The following NLGN1 variants were observed in gnomAD, a reference collection of about 807,000 sequenced individuals.
NLGN1 encodes neuroligin 1.
A neutral mutation model predicts 65.5 loss-of-function variants in NLGN1; 12 were observed. The observed-to-expected ratio is 0.18, with a 90% CI of 0.12 to 0.30. The LOEUF (loss-of-function observed/expected upper bound fraction) is 0.30. Among genes scored for constraint, NLGN1 ranks in the 10% least tolerant of loss-of-function variants. The pLI is 1.00. For synonymous variants in NLGN1, 350 were observed against 359.5 expected (o/e 0.97, Z 0.30); for missense variants, 750 against 1,007.1 (o/e 0.74, Z 3.46).
rs1742520921 is a variant in NLGN1, at chr3:173,923,891, A to G, written c.646+116059A>G. 5.9e-5 allele frequency among the ~76,000 whole-genome samples: 9 copies of G among 152,176 alleles called. No homozygotes were observed. In the South Asian group the frequency reaches 1.9e-3, roughly 31 times the overall value. ...TAGATATCTACATGATTTTTGGCAT[A>G]TAACTTGGAAAAAGTTCAAATAATT... On this transcript the variant is annotated intron_variant, in intron 4 of 6. Coordinates refer to ENST00000457714, the Ensembl canonical transcript of NLGN1.
At chr3:174,065,699 T>C (rs1045579234) in intron 4 of NLGN1, among the ~76,000 whole-genome samples, 5 of 151,702 alleles carry the variant, frequency 3.3e-5, no homozygotes, top group Admixed American at 2.0e-4. Context: ...GAAATGTTAC[T>C]TCTAAGATTA....
intron 3 of NLGN1, among the ~76,000 whole-genome samples, chr3:173,627,027 G>T (rs1754926824): frequency 6.6e-6 from 1 of 151,980 alleles, no homozygotes; most frequent in Non-Finnish European, 1.5e-5. Flanking sequence ...CATAAGACTG[G>T]CTCATAAGTA....
At chr3:173,994,895 G>A (rs1406728148) in intron 4 of NLGN1, among the ~76,000 whole-genome samples, 6 of 152,130 alleles carry the variant, frequency 3.9e-5, no homozygotes, top group African/African-American at 1.2e-4. Flanking sequence ...CCCTTGCAAA[G>A]AGGAAACATA....
chr3:174,042,233 TTA>T lies in NLGN1; in HGVS notation c.647-233080_647-233079del, dbSNP rs150778018. ...GAGAAGAAGTTTTAATTTTGATGTA[TTA>T]TTTTTTTTCTTTTATAATTATTCTT... On this transcript the variant is annotated intron_variant, in intron 4 of 6. Coordinates refer to ENST00000457714, the Ensembl canonical transcript of NLGN1. 5.3e-3 allele frequency among the ~76,000 whole-genome samples: 814 copies of T among 152,308 alleles called. 6 individuals carry two copies. Among genetic ancestry groups the T allele is most frequent in the Middle Eastern group, 0.048 (14 of 292 alleles).
chr3:173,778,405 A>C (rs963331507), intron 3 of NLGN1, among the ~76,000 whole-genome samples: 1 of 151,896 alleles, frequency 6.6e-6, no homozygotes, highest in African/African-American at 2.4e-5. Context: ...GGAAATAGAA[A>C]TGAATTTTTT....
intron 3 of NLGN1, among the ~76,000 whole-genome samples, chr3:173,633,165 T>C (rs1413795118): frequency 1.3e-5 from 2 of 152,118 alleles, no homozygotes; most frequent in East Asian, 1.9e-4. Flanking sequence ...GAGCCAAGGA[T>C]TGACACAGCT....
At chr3:174,170,134 T>TA (rs1194532291) in intron 4 of NLGN1, among the ~76,000 whole-genome samples, 3 of 152,072 alleles carry the variant, frequency 2.0e-5, no homozygotes, top group African/African-American at 7.2e-5. Context: ...TTTCTTGAAT[T>TA]AAAGCCCACA....
chr3:173,706,657 A>G (rs1310396059), intron 3 of NLGN1, among the ~76,000 whole-genome samples: 1 of 152,224 alleles, frequency 6.6e-6, no homozygotes, highest in African/African-American at 2.4e-5. Context: ...CAGCCATCAG[A>G]CTGAGCAGGC....
In NLGN1 at chr3:173,730,432, A is replaced by G. The variant is rs867954216; in HGVS notation, c.494-77248A>G. On this transcript the variant is annotated intron_variant, in intron 3 of 6. Transcript: ENST00000457714. The stretch of plus-strand genomic sequence containing the variant: ...GAAAAGAAATAGGTAAAATAGGTAA[A>G]TGGCCATATTTTATTTCCAAAATAT... Among the ~76,000 whole-genome samples, 3 of 151,968 alleles carry G rather than the reference A, an allele frequency of 2.0e-5. No individual in the cohort carries two copies. In the South Asian group the frequency reaches 6.2e-4, roughly 31 times the overall value.
At chr3:173,983,631 G>T (rs2152397431) in intron 4 of NLGN1, among the ~76,000 whole-genome samples, 1 of 152,074 alleles carries the variant, frequency 6.6e-6, no homozygotes, top group East Asian at 1.9e-4. Flanking sequence ...TCTGACTCGT[G>T]CCCAGTATGT....
chr3:173,809,334 G>A (rs1430899849), intron 4 of NLGN1, among the ~76,000 whole-genome samples: 1 of 152,006 alleles, frequency 6.6e-6, no homozygotes, highest in Non-Finnish European at 1.5e-5. Flanking sequence ...TGTTTCCTAT[G>A]GAACATTTTC....
intron 3 of NLGN1, chr3:173,800,271 A>G (rs1350990226): frequency 2.1e-6 from 2 of 946,636 alleles, no homozygotes; most frequent in Non-Finnish European, 2.7e-6. Context: ...TTTTTCCTCC[A>G]TTTCTCCGTT....
chr3:174,238,896 T>A (rs1276856196), intron 4 of NLGN1, among the ~76,000 whole-genome samples: 1 of 151,662 alleles, frequency 6.6e-6, no homozygotes, highest in Admixed American at 6.6e-5. Context: ...TAATTTTCTA[T>A]ACTTAAACAA....
At chr3:174,040,385 A>G (rs1021358023) in intron 4 of NLGN1, among the ~76,000 whole-genome samples, 1 of 152,174 alleles carries the variant, frequency 6.6e-6, no homozygotes, top group African/African-American at 2.4e-5. Context: ...TTAAGTAGAC[A>G]ATCTAAATGA....
intron 4 of NLGN1, among the ~76,000 whole-genome samples, chr3:173,872,038 G>A (rs1482692395): frequency 6.6e-6 from 1 of 152,100 alleles, no homozygotes; most frequent in African/African-American, 2.4e-5. Context: ...ACCGTGAGGG[G>A]GGGAGTCAGG....
intron 4 of NLGN1, among the ~76,000 whole-genome samples, chr3:174,021,489 A>G (rs191327071): frequency 2.3e-4 from 35 of 152,264 alleles, no homozygotes; most frequent in Non-Finnish European, 3.7e-4. Flanking sequence ...AAGGAAAACA[A>G]TAAGACAAAA....
At chr3:173,962,279 G>A (rs1483193506) in intron 4 of NLGN1, among the ~76,000 whole-genome samples, 9 of 152,028 alleles carry the variant, frequency 5.9e-5, no homozygotes, top group Middle Eastern at 3.2e-3. Flanking sequence ...GTCTTCAGAC[G>A]CATTTTGAAA....
chr3:173,970,779 T>C (rs985787755), intron 4 of NLGN1, among the ~76,000 whole-genome samples: 3 of 152,138 alleles, frequency 2.0e-5, no homozygotes, highest in Non-Finnish European at 4.4e-5. Context: ...GCCTGGTACA[T>C]CGTTACTGTG....
intron 3 of NLGN1, among the ~76,000 whole-genome samples, chr3:173,778,380 T>C (rs535585579): frequency 6.6e-6 from 1 of 151,976 alleles, no homozygotes; most frequent in East Asian, 1.9e-4. Flanking sequence ...CAGAATTTAT[T>C]AGGCGATGGT....
Sources: allele counts gnomAD v4.1 joint callset (sites outside exome capture counted in the v4.1 genomes callset), GRCh38; gene constraint gnomAD v4.1.1; transcripts MANE v1.5; gene names NCBI Gene and HGNC (gene_info 2026-07-23, HGNC 2026-07-21).